The following CRTC1 variants were observed in gnomAD, a reference collection of about 807,000 sequenced individuals.
The protein encoded by CRTC1 is CREB regulated transcription coactivator 1.
In CRTC1, 18 loss-of-function variants were observed where a neutral mutation model predicts 66.1. That is an observed-to-expected ratio of 0.27 (90% CI 0.19 to 0.40). CRTC1 has a LOEUF of 0.40. Ranked by LOEUF, CRTC1 falls within the 10% of genes least tolerant of loss-of-function variation. CRTC1 has a pLI of 1.00. For synonymous variants in CRTC1, 416 were observed against 398.8 expected, an observed-to-expected ratio of 1.04 and a Z score of -0.51; for missense variants, 669 against 887.9, an observed-to-expected ratio of 0.75 and a Z score of 3.13.
rs2052679503 is a variant in CRTC1 at position 18,686,165 on chromosome 19, G to A, written c.126+2337G>A. ...GTCTCTGTGGGTTTTCCTATTCTGG[G>A]CATTTTATATAAATGGAATCACACA... is the stretch of plus-strand genomic sequence containing the variant. On this transcript the variant is annotated intron_variant, in intron 1 of 13. Transcript: ENST00000321949. 2.6e-5 allele frequency among the ~76,000 whole-genome samples: 4 copies of A among 151,862 alleles called. No homozygotes were observed. In the South Asian group the frequency reaches 8.4e-4, roughly 32 times the overall value.
chr19:18,705,389 C>T (rs1055832472), intron 1 of CRTC1, among the ~76,000 whole-genome samples: 10 of 152,136 alleles, frequency 6.6e-5, no homozygotes, highest in African/African-American at 2.4e-5. Context: ...GGCGTGATCT[C>T]GGCTCACCAC....
In CRTC1 at chr19:18,760,146, C is replaced by T. The variant is rs2054582295; in HGVS notation, c.804C>T (p.Thr268=). ...CCCCGCTGGACCCCGAGGAGCCCAC[C>T]TTCCCTGCACTGAGCAGCTCCAGCA... ...LPTPLDPEEP[T]FPALSSSSST... is the part of the protein sequence containing the mutation. The change falls in exon 8 of 14, where the codon ACC becomes ACT. Residue 268 remains threonine (T), a synonymous_variant. Transcript: ENST00000321949. This position sits in a 1 kb window ranked among gnomAD's most constrained non-coding sequence, Gnocchi z 6.2. 1 of 1,613,784 alleles carries T rather than the reference C, an allele frequency of 6.2e-7. No individual in the cohort carries two copies. The highest frequency in any genetic ancestry group is 1.3e-5 in the African/African-American group (1 of 74,908).
At chr19:18,753,437 C>A in intron 5 of CRTC1, 63 bp from the exon 6 acceptor site, 1 of 1,224,516 alleles carries the variant, frequency 8.2e-7, no homozygotes, top group Non-Finnish European at 1.2e-6. Flanking sequence ...CCTCCTGGTA[C>A]CACCATGCGG....
At position 18,771,042 on chromosome 19, in the gene CRTC1, ATG is replaced by A. The variant is rs564381750; in HGVS notation, c.1321-395_1321-394del. ...GATATGTGCACATGTGTGGGTGTGC[ATG>A]TGTGGGTATGTATATTCTAGTGTGG... On this transcript the variant is annotated intron_variant, in intron 10 of 13. Coordinates refer to ENST00000321949, the MANE Select transcript of CRTC1 (RefSeq NM_015321.3). This position sits in a 1 kb window ranked among gnomAD's most constrained non-coding sequence, Gnocchi z 4.6. 5.0e-4 allele frequency among the ~76,000 whole-genome samples: 76 copies of A among 151,358 alleles called. No homozygotes were observed. The highest frequency in any genetic ancestry group is 8.7e-4 in the Non-Finnish European group (59 of 67,780).
Position 18,780,081 on chromosome 19 carries a change from TTGTGATGTGAAAATAC to T in CRTC1, c.*2706_*2721del. On this transcript the variant is annotated 3_prime_UTR_variant, in exon 14 of 14. Transcript: ENST00000321949. ...AGCTTAAGGGAATCAGCCTTTTGCTTTGTGATGTGAAAATACTGTGATTTGACGAGCCGCTTCCTGA... is the reference window on the plus strand; with the variant it reads ...AGCTTAAGGGAATCAGCCTTTTGCTTTGTGATTTGACGAGCCGCTTCCTGA... 4.3e-6 allele frequency: 1 copy of T among 231,150 alleles called. No homozygotes were observed. Among genetic ancestry groups the T allele is most frequent in the East Asian group, 6.1e-5 (1 of 16,338 alleles). 14.3% of individuals were successfully genotyped at this position (231,150 alleles called of 1,614,324 possible).
chr19:18,754,605 A>T (rs2054444287), intron 6 of CRTC1, among the ~76,000 whole-genome samples: 1 of 152,244 alleles, frequency 6.6e-6, no homozygotes, highest in Non-Finnish European at 1.5e-5. Flanking sequence ...TGTGTTTTTT[A>T]AAGGTATTTT....
rs535780835 is a variant in CRTC1, at chr19:18,728,025, C to A, written c.127-14885C>A. Reference sequence around the variant, plus strand: ...ACAGGCGTGAGCCACCGTGCCCGGCCTCCACCTTACTTTCAGAGCCTCCAG... The same window carrying A: ...ACAGGCGTGAGCCACCGTGCCCGGCATCCACCTTACTTTCAGAGCCTCCAG... On this transcript the variant is annotated intron_variant, in intron 1 of 13. Coordinates refer to ENST00000321949, the MANE Select transcript of CRTC1 (RefSeq NM_015321.3). 5.3e-5 allele frequency among the ~76,000 whole-genome samples: 8 copies of A among 152,304 alleles called. No homozygotes were observed. The South Asian group carries it at 1.7e-3, about 32-fold the overall frequency.
chr19:18,736,776 C>T (rs1415491241), intron 1 of CRTC1, among the ~76,000 whole-genome samples: 2 of 150,374 alleles, frequency 1.3e-5, no homozygotes, highest in Non-Finnish European at 2.9e-5. Flanking sequence ...CACAGGGAGG[C>T]CCTGGGTCTG....
At chr19:18,757,942 T>A (rs976389985) in intron 6 of CRTC1, among the ~76,000 whole-genome samples, 1 of 149,656 alleles carries the variant, frequency 6.7e-6, no homozygotes, top group African/African-American at 2.5e-5. Context: ...GGCGTGAACC[T>A]GGGAGGTGGA....
intron 1 of CRTC1, among the ~76,000 whole-genome samples, chr19:18,687,408 C>T (rs1004374373): frequency 2.6e-5 from 4 of 152,268 alleles, no homozygotes; most frequent in African/African-American, 9.6e-5. Flanking sequence ...GAGTTCCATC[C>T]TTTGCTCCCA....
At chr19:18,766,113 C>T (rs1426774404) in intron 9 of CRTC1, among the ~76,000 whole-genome samples, 3 of 149,414 alleles carry the variant, frequency 2.0e-5, no homozygotes, top group Non-Finnish European at 1.5e-5. Context: ...TCATAATACT[C>T]TTTTGTAATC....
intron 10 of CRTC1, among the ~76,000 whole-genome samples, chr19:18,769,290 C>T (rs764848312): frequency 3.9e-5 from 6 of 152,226 alleles, no homozygotes; most frequent in Admixed American, 6.5e-5. Context: ...TGCCTAGGGC[C>T]GGCTCAGGCA....
intron 1 of CRTC1, among the ~76,000 whole-genome samples, chr19:18,690,159 G>A (rs759150075): frequency 6.6e-6 from 1 of 151,986 alleles, no homozygotes; most frequent in Non-Finnish European, 1.5e-5. Context: ...TCGTATGACT[G>A]ATCATTGATG....
intron 5 of CRTC1, 22 bp downstream of exon 5, chr19:18,749,897 G>C (rs1933440421): frequency 1.2e-6 from 2 of 1,600,188 alleles, no homozygotes; most frequent in East Asian, 2.2e-5. Context: ...GGACTCGGGT[G>C]TCTCTGCTGG....
At chr19:18,711,330 G>A (rs2053386681) in intron 1 of CRTC1, among the ~76,000 whole-genome samples, 1 of 152,012 alleles carries the variant, frequency 6.6e-6, no homozygotes, top group East Asian at 1.9e-4. Flanking sequence ...GCGGCCCCGG[G>A]GCCGCTTTGA....
intron 1 of CRTC1, among the ~76,000 whole-genome samples, chr19:18,706,688 A>G (rs2053274231): frequency 6.6e-6 from 1 of 151,760 alleles, no homozygotes; most frequent in Admixed American, 6.6e-5. Context: ...ATTTTTTTCT[A>G]TTTCTGCGAA....
chr19:18,729,858 C>T (rs2053846685), intron 1 of CRTC1, among the ~76,000 whole-genome samples: 1 of 152,208 alleles, frequency 6.6e-6, no homozygotes, highest in Non-Finnish European at 1.5e-5. Context: ...CACTCCTTAT[C>T]CTCGTTCTTG....
Position 18,768,627 on chromosome 19 carries a change from C to A in CRTC1, c.1154C>A (p.Pro385His). The A allele has an allele frequency of 6.6e-7, 1 of 1,511,084 alleles. No individual in the cohort carries two copies. The allele number at this position is 1,511,084 out of a possible 1,614,324, so 93.6% of individuals were successfully genotyped here. ...TCCCAGCAGCCACCACCCCCGCCAC[C>A]CCCACAGGCGCCCGTCCGCCTGCCC... ...PASQQPPPPP[P>H]PQAPVRLPPG... Residue 385 changes from proline to histidine, a missense_variant, in exon 10 of 14, where the codon CCC becomes CAC. Transcript: ENST00000321949. The surrounding 1 kb of genome is among the most constrained non-coding windows in gnomAD (Gnocchi z 5.6).
At chr19:18,772,221 T>G (rs1046533756) in intron 11 of CRTC1, among the ~76,000 whole-genome samples, 18 of 152,214 alleles carry the variant, frequency 1.2e-4, no homozygotes, top group Non-Finnish European at 2.4e-4. Context: ...CCCTTCGTTC[T>G]GCCTGGCCAG....
Sources: gnomAD v4.1 joint callset for allele counts (sites outside exome capture counted in the v4.1 genomes callset) on GRCh38, gnomAD v4.1.1 for gene constraint, Gnocchi (gnomAD v3.1) non-coding constraint, MANE v1.5 for transcripts, NCBI Gene and HGNC (gene_info 2026-07-23, HGNC 2026-07-21) for gene names.